ASAP1: variants seen among roughly 807,000 people sequenced by gnomAD.
ASAP1 encodes ArfGAP with SH3 domain, ankyrin repeat and PH domain 1, also known as arf-GAP with SH3 domain, ANK repeat and PH domain-containing protein 1.
Under a neutral mutation model 145.2 loss-of-function variants are expected in ASAP1, and 43 were observed. The observed-to-expected ratio is 0.30, with a 90% confidence interval of 0.23 to 0.38. The LOEUF (loss-of-function observed/expected upper bound fraction) is 0.38, where lower values mean the gene tolerates loss of function less well. Ranked by LOEUF, ASAP1 falls within the 10% of genes least tolerant of loss-of-function variation. The pLI is 1.00. For missense variants in ASAP1, 1,018 were observed against 1,355.3 expected (o/e 0.75, Z 3.91); for synonymous variants, 546 against 515.5 (o/e 1.06, Z -0.80).
At chr8:130,163,933 C>T (rs1004097172) in intron 11 of ASAP1, among the ~76,000 whole-genome samples, 12 of 152,064 alleles carry the variant, frequency 7.9e-5, no homozygotes, top group African/African-American at 2.9e-4. Context: ...GGTAGAGTCT[C>T]AAATCTTTTA....
At chr8:130,400,305 G>A (rs975840470) in intron 2 of ASAP1, among the ~76,000 whole-genome samples, 8 of 151,984 alleles carry the variant, frequency 5.3e-5, no homozygotes, top group East Asian at 1.9e-4. Context: ...AAGTTTTCCC[G>A]GCCTAGCTTT....
intron 25 of ASAP1, among the ~76,000 whole-genome samples, chr8:130,088,256 G>A (rs1340760908): frequency 6.6e-6 from 1 of 152,100 alleles, no homozygotes; most frequent in Non-Finnish European, 1.5e-5. Flanking sequence ...TTAGCCTCCC[G>A]AGTAGCTGGG....
chr8:130,360,601 A>T (rs1826665517), intron 2 of ASAP1: 2 of 152,208 alleles, frequency 1.3e-5, no homozygotes, highest in East Asian at 1.9e-4. Context: ...TCCATAAATA[A>T]ATATTCTTCC....
At chr8:130,389,693 T>C (rs1016490994) in intron 2 of ASAP1, among the ~76,000 whole-genome samples, 2 of 152,158 alleles carry the variant, frequency 1.3e-5, no homozygotes, top group Non-Finnish European at 2.9e-5. Flanking sequence ...TCTTTAGCTT[T>C]CTTTTTATTT....
At chr8:130,307,324 A>G (rs1245641989) in intron 3 of ASAP1, among the ~76,000 whole-genome samples, 2 of 151,956 alleles carry the variant, frequency 1.3e-5, no homozygotes, top group African/African-American at 2.4e-5. Flanking sequence ...ATATTTAACT[A>G]TAAGTCACAG....
chr8:130,121,034 T>C (rs573903517), intron 18 of ASAP1, among the ~76,000 whole-genome samples: 10 of 152,344 alleles, frequency 6.6e-5, no homozygotes, highest in African/African-American at 2.4e-4. Context: ...TGTAAAACCT[T>C]GGGTGTCATC....
intron 3 of ASAP1, among the ~76,000 whole-genome samples, chr8:130,322,630 ATATAATGC>A (rs1456994799): frequency 2.6e-5 from 4 of 152,232 alleles, no homozygotes; most frequent in Non-Finnish European, 5.9e-5. Context: ...ACTCAGTTCA[ATATAATGC>A]TATCTGGATT....
At chr8:130,364,598 C>G (rs888592684) in intron 2 of ASAP1, among the ~76,000 whole-genome samples, 1 of 152,102 alleles carries the variant, frequency 6.6e-6, no homozygotes, top group Non-Finnish European at 1.5e-5. Context: ...GGTATATGTG[C>G]GTGTGTTTTC....
chr8:130,307,362 T>A (rs948478743), intron 3 of ASAP1, among the ~76,000 whole-genome samples: 1 of 151,198 alleles, frequency 6.6e-6, no homozygotes, highest in Admixed American at 6.6e-5. Flanking sequence ...TGGCAAAAAA[T>A]AAAGAGGGAC....
intron 2 of ASAP1, among the ~76,000 whole-genome samples, chr8:130,396,129 G>A (rs754616531): frequency 5.9e-5 from 9 of 152,244 alleles, no homozygotes; most frequent in Non-Finnish European, 8.8e-5. Context: ...TTAGTAGGTC[G>A]TCAGAAAAGT....
chr8:130,376,114 A>T (rs1827478712), intron 2 of ASAP1, among the ~76,000 whole-genome samples: 1 of 152,230 alleles, frequency 6.6e-6, no homozygotes, highest in African/African-American at 2.4e-5. Flanking sequence ...TACTACAGTA[A>T]TTCAGGTTGT....
At chr8:130,382,130 T>C (rs1346010002) in intron 2 of ASAP1, among the ~76,000 whole-genome samples, 3 of 151,438 alleles carry the variant, frequency 2.0e-5, no homozygotes, top group Non-Finnish European at 4.4e-5. Flanking sequence ...ACTAAAAATA[T>C]AAAAAATTAG....
At chr8:130,235,675 A>G (rs1818171356) in intron 4 of ASAP1, among the ~76,000 whole-genome samples, 2 of 152,218 alleles carry the variant, frequency 1.3e-5, no homozygotes, top group Non-Finnish European at 2.9e-5. Flanking sequence ...GAAATTAGGG[A>G]GCAAAATGAA....
intron 5 of ASAP1, among the ~76,000 whole-genome samples, chr8:130,194,257 G>A (rs549708015): frequency 3.9e-5 from 6 of 151,912 alleles, no homozygotes; most frequent in African/African-American, 9.7e-5. Context: ...AACCAGCAAC[G>A]AAAATTTTAA....
At chr8:130,340,177 A>C (rs1181713055) in intron 3 of ASAP1, among the ~76,000 whole-genome samples, 1 of 152,192 alleles carries the variant, frequency 6.6e-6, no homozygotes, top group Non-Finnish European at 1.5e-5. Context: ...TGGAGAAATA[A>C]CCCCAAATAA....
At chr8:130,072,790 GATAT>G (rs201415574) in intron 27 of ASAP1, among the ~76,000 whole-genome samples, 1,498 of 65,768 alleles carry the variant, frequency 0.023, 186 homozygotes, top group African/African-American at 0.062. Context: ...ACTTGCAATT[GATAT>G]GTGTGTGTGT....
At chr8:130,213,404 G>T (rs1816704785) in intron 5 of ASAP1, among the ~76,000 whole-genome samples, 1 of 152,182 alleles carries the variant, frequency 6.6e-6, no homozygotes, top group African/African-American at 2.4e-5. Flanking sequence ...TAGGTTAATG[G>T]AGTGTAGAAA....
intron 2 of ASAP1, among the ~76,000 whole-genome samples, chr8:130,393,243 A>G (rs1245964919): frequency 6.6e-6 from 1 of 152,208 alleles, no homozygotes. Flanking sequence ...TATTCCTGAA[A>G]AACTTGCCTT....
At chr8:130,305,926 A>C (rs1586796935) in intron 3 of ASAP1, among the ~76,000 whole-genome samples, 1 of 152,254 alleles carries the variant, frequency 6.6e-6, no homozygotes, top group Non-Finnish European at 1.5e-5. Flanking sequence ...CTTAGGTTAG[A>C]TCTCCTTACT....
Sources: gnomAD v4.1 joint callset for allele counts (sites outside exome capture counted in the v4.1 genomes callset) on GRCh38, gnomAD v4.1.1 for gene constraint, MANE v1.5 for transcripts, NCBI Gene and HGNC (gene_info 2026-07-23, HGNC 2026-07-21) for gene names.